Variants in ARNT2 observed in about 807,000 individuals in gnomAD.
ARNT2 encodes aryl hydrocarbon receptor nuclear translocator 2.
Under a neutral mutation model 91.7 loss-of-function variants are expected in ARNT2, and 36 were observed. The ratio of observed to expected loss-of-function variants is 0.39; its 90% CI spans 0.30 to 0.52. The LOEUF (loss-of-function observed/expected upper bound fraction) is 0.52. ARNT2 is among the 20% of genes least tolerant of loss of function. The probability of loss-of-function intolerance (pLI) is 0.72; values close to 1 mark genes in which losing one functional copy is unlikely to be tolerated. For synonymous variants in ARNT2, 365 were observed against 347.1 expected (o/e 1.05, Z -0.57); for missense variants, 775 against 939.3 (o/e 0.83, Z 2.29).
intron 3 of ARNT2, among the ~76,000 whole-genome samples, chr15:80,459,351 T>C (rs1478322892): frequency 1.3e-5 from 2 of 152,228 alleles, no homozygotes; most frequent in Non-Finnish European, 2.9e-5. Context: ...CACCCATTTC[T>C]TGGGATACAC....
chr15:80,508,644 C>T (rs964706426), intron 6 of ARNT2, among the ~76,000 whole-genome samples: 1 of 152,166 alleles, frequency 6.6e-6, no homozygotes, highest in African/African-American at 2.4e-5. Context: ...TTTCCTGTCA[C>T]AATTCACACA....
At chr15:80,431,865 G>T (rs952791909) in intron 1 of ARNT2, among the ~76,000 whole-genome samples, 8 of 152,202 alleles carry the variant, frequency 5.3e-5, no homozygotes, top group Non-Finnish European at 1.2e-4. Context: ...ACCTCCTGGT[G>T]GAGAGCACCC....
At chr15:80,435,936 T>C (rs1033481532) in intron 1 of ARNT2, among the ~76,000 whole-genome samples, 2 of 152,196 alleles carry the variant, frequency 1.3e-5, no homozygotes, top group African/African-American at 4.8e-5. Context: ...TACGATGCCA[T>C]GCACATGTGC....
At chr15:80,476,440 T>C (rs1217799317) in intron 5 of ARNT2, among the ~76,000 whole-genome samples, 2 of 152,258 alleles carry the variant, frequency 1.3e-5, no homozygotes, top group Admixed American at 6.5e-5. Context: ...GTCAATCACA[T>C]TGGAACAAAT....
At chr15:80,441,302 T>A (rs886658369) in intron 1 of ARNT2, 1 of 985,104 alleles carries the variant, frequency 1.0e-6, no homozygotes. Flanking sequence ...TGACATTTCT[T>A]CTACACGGAT....
chr15:80,458,065 T>A, intron 3 of ARNT2, 89 bp downstream of exon 3: 4 of 1,419,656 alleles, frequency 2.8e-6, no homozygotes, highest in African/African-American at 1.4e-5. Context: ...TCTTTTGTCA[T>A]TGCAAAAGCC....
intron 8 of ARNT2, among the ~76,000 whole-genome samples, chr15:80,538,632 TA>T (rs1897858997): frequency 6.6e-6 from 1 of 152,090 alleles, no homozygotes; most frequent in African/African-American, 2.4e-5. Flanking sequence ...TTTTTATTAT[TA>T]AATGTGGGAA....
chr15:80,530,209 G>A (rs1260342620), intron 8 of ARNT2, among the ~76,000 whole-genome samples: 3 of 152,190 alleles, frequency 2.0e-5, no homozygotes, highest in Non-Finnish European at 4.4e-5. Context: ...CCTGACACGG[G>A]CAGAAGAGGA....
intron 12 of ARNT2, among the ~76,000 whole-genome samples, chr15:80,564,048 C>G (rs1376282002): frequency 6.6e-6 from 1 of 152,160 alleles, no homozygotes; most frequent in African/African-American, 2.4e-5. Flanking sequence ...AAAAGGATGT[C>G]CAAGCAAACG....
At position 80,541,108 on chromosome 15, in the gene ARNT2, A is replaced by G. The variant is rs182509283; in HGVS notation, c.878-10091A>G. Among the ~76,000 whole-genome samples the G allele has an allele frequency of 6.4e-3, 974 of 152,312 alleles. 11 individuals are homozygous for G. The highest frequency in any genetic ancestry group is 0.022 in the African/African-American group (929 of 41,568). On this transcript the variant is annotated intron_variant, in intron 8 of 18. Transcript: ENST00000303329. ...TGAACTAATTTACATTCCCACCAAC[A>G]GTGTATAAGCATTCCCTTTTCTCTG...
chr15:80,576,983 G>C lies in ARNT2; in HGVS notation c.1613+18G>C. The C allele has an allele frequency of 3.1e-6, 5 of 1,611,256 alleles. No individual in the cohort carries two copies. The highest frequency in any genetic ancestry group is 4.2e-6 in the Non-Finnish European group (5 of 1,177,680). On this transcript the variant is annotated intron_variant, in intron 15 of 18. Transcript: ENST00000303329. ...GCCTTCAGGTATGTGCCAGCGAGGG[G>C]GACAATGGCGTGGGAAGATGCTCCC...
chr15:80,481,005 AC>A lies in ARNT2; in HGVS notation c.622+5787del, dbSNP rs1350165060. On this transcript the variant is annotated intron_variant, in intron 5 of 18. Coordinates refer to ENST00000303329, the MANE Select transcript of ARNT2 (RefSeq NM_014862.4). ...TCCCCAGCTGTTGTTGAATGAATGG[AC>A]CCCCATTTGCCAACTATTCCAGCCG... Among the ~76,000 whole-genome samples, 5 of 152,048 alleles carry A rather than the reference AC, an allele frequency of 3.3e-5. No individual in the cohort carries two copies. The East Asian group carries it at 5.8e-4, about 18-fold the overall frequency.
At chr15:80,451,027 T>C (rs553392056) in intron 2 of ARNT2, 33 bp downstream of exon 2, 1 of 1,578,838 alleles carries the variant, frequency 6.3e-7, no homozygotes, top group Non-Finnish European at 8.7e-7. Flanking sequence ...GGAATTGGCT[T>C]AATAAATGTT....
intron 3 of ARNT2, among the ~76,000 whole-genome samples, chr15:80,461,727 A>T (rs79147476): frequency 2.0e-5 from 3 of 152,010 alleles, no homozygotes; most frequent in South Asian, 2.1e-4. Context: ...AGAGCCTAGA[A>T]GGTGGCAGAG....
intron 11 of ARNT2, chr15:80,560,250 G>A (rs1357850302): frequency 1.3e-5 from 2 of 152,294 alleles, no homozygotes. Context: ...AGGCTCTTTG[G>A]GGAGAGAGAA....
chr15:80,423,255 C>T (rs1895885537), intron 1 of ARNT2, among the ~76,000 whole-genome samples: 1 of 152,180 alleles, frequency 6.6e-6, no homozygotes, highest in Non-Finnish European at 1.5e-5. Flanking sequence ...CTGTTACCAT[C>T]AGCGGGTCAA....
At chr15:80,510,586 T>C (rs1446155135) in intron 6 of ARNT2, among the ~76,000 whole-genome samples, 1 of 141,588 alleles carries the variant, frequency 7.1e-6, no homozygotes, top group Admixed American at 7.0e-5. Context: ...ATCCCAGCAT[T>C]TTGGGAGGCC....
chr15:80,499,669 G>T (rs1238864179), intron 5 of ARNT2, among the ~76,000 whole-genome samples: 3 of 152,194 alleles, frequency 2.0e-5, no homozygotes. Context: ...ACTCTGATTG[G>T]CCTGGTTGGA....
At chr15:80,425,968 GAAGGATCGCTTGAGCTCAGGAGTTC>G (rs1895926754) in intron 1 of ARNT2, among the ~76,000 whole-genome samples, 1 of 152,084 alleles carries the variant, frequency 6.6e-6, no homozygotes, top group Admixed American at 6.6e-5. Context: ...GGCTGAGGTA[GAAGGATCGCTTGAGCTCAGGAGTTC>G]AAGGCTGCAG....
Sources: allele counts gnomAD v4.1 joint callset (sites outside exome capture counted in the v4.1 genomes callset), GRCh38; gene constraint gnomAD v4.1.1; transcripts MANE v1.5; gene names NCBI Gene and HGNC (gene_info 2026-07-23, HGNC 2026-07-21).